MEI4: variants seen among roughly 807,000 people sequenced by gnomAD.
The protein encoded by MEI4 is meiotic double-stranded break formation protein 4.
Under a neutral mutation model 31.4 loss-of-function variants are expected in MEI4, and 27 were observed. The ratio of observed to expected loss-of-function variants is 0.86; its 90% CI spans 0.63 to 1.19. MEI4 has a LOEUF of 1.19. MEI4 is among the 50% of genes most tolerant of loss of function. The pLI, the probability that MEI4 is intolerant of heterozygous loss-of-function variation, is 0.00. For missense variants in MEI4, 329 were observed against 398.9 expected, an observed-to-expected ratio of 0.82 and a Z score of 1.49; for synonymous variants, 122 against 145.4, an observed-to-expected ratio of 0.84 and a Z score of 1.16.
intron 4 of MEI4, among the ~76,000 whole-genome samples, chr6:77,919,966 G>A (rs1258878650): frequency 6.8e-6 from 1 of 147,850 alleles, no homozygotes; most frequent in Non-Finnish European, 1.5e-5. Flanking sequence ...TTGAATCTCT[G>A]AATAGACCAA....
At chr6:77,896,192 T>A (rs1766081125) in intron 4 of MEI4, among the ~76,000 whole-genome samples, 1 of 152,124 alleles carries the variant, frequency 6.6e-6, no homozygotes, top group South Asian at 2.1e-4. Context: ...GCAAGCTCTA[T>A]CTATTATGAA....
chr6:77,868,523 A>ATATATATATATATATATATATATATG (rs1771113885), intron 4 of MEI4, among the ~76,000 whole-genome samples: 20 of 139,990 alleles, frequency 1.4e-4, no homozygotes, highest in Non-Finnish European at 6.2e-5. Flanking sequence ...ATATATATAT[A>ATATATATATATATATATATATATATG]TATATGCAGA....
intron 2 of MEI4, among the ~76,000 whole-genome samples, chr6:77,710,314 G>A (rs187864068): frequency 1.4e-4 from 21 of 152,082 alleles, no homozygotes; most frequent in African/African-American, 5.1e-4. Context: ...ACGAGGTCAA[G>A]AGATCAAGAC....
At chr6:77,654,439 T>C (rs1768351446) in intron 1 of MEI4, among the ~76,000 whole-genome samples, 2 of 151,530 alleles carry the variant, frequency 1.3e-5, no homozygotes, top group Admixed American at 1.3e-4. Context: ...ACATGCACTG[T>C]ATGGTACTGC....
intron 4 of MEI4, among the ~76,000 whole-genome samples, chr6:77,890,472 T>A (rs1009004453): frequency 9.2e-5 from 14 of 152,320 alleles, no homozygotes; most frequent in Middle Eastern, 3.4e-3. Flanking sequence ...TGTACCCCCA[T>A]TGCTTACAGG....
rs1259929575 is a variant in MEI4 at position 77,847,029 on chromosome 6, T to C, written c.900+17967T>C. ...GAAGGATTTTGTGTTGGGGAAATAA[T>C]GTTTAACAACAATGACTGTCATCTT... On this transcript the variant is annotated intron_variant, in intron 4 of 4. Transcript: ENST00000684080. This position sits in a 1 kb window ranked among gnomAD's most constrained non-coding sequence, Gnocchi z 4.6. Among the ~76,000 whole-genome samples the C allele has an allele frequency of 6.6e-6, 1 of 152,208 alleles. No homozygotes were observed. The highest frequency in any genetic ancestry group is 1.5e-5 in the Non-Finnish European group (1 of 68,032).
At chr6:77,736,069 G>T (rs1767199962) in intron 2 of MEI4, among the ~76,000 whole-genome samples, 1 of 152,210 alleles carries the variant, frequency 6.6e-6, no homozygotes, top group South Asian at 2.1e-4. Flanking sequence ...GTCTGCAGAG[G>T]TTACTGCTGT....
At chr6:77,749,133 C>T (rs915291297) in intron 2 of MEI4, among the ~76,000 whole-genome samples, 8 of 152,096 alleles carry the variant, frequency 5.3e-5, no homozygotes, top group African/African-American at 1.9e-4. Context: ...CTTCAAAGAC[C>T]AAAGGTAGAT....
At position 77,736,402 on chromosome 6, in the gene MEI4, T is replaced by TCG. The variant is rs1354987620; in HGVS notation, c.233-24728_233-24727insCG. ...GGTGGGAGTGACCCGATTTTCCAGG[T>TCG]GCCATCTGTCACCCCTTTCTTTGAC... is the stretch of plus-strand genomic sequence containing the variant. On this transcript the variant is annotated intron_variant, in intron 2 of 4. Transcript: ENST00000684080. Among the ~76,000 whole-genome samples, 59 of 152,184 alleles carry TCG rather than the reference T, an allele frequency of 3.9e-4. 1 individual carries two copies. The highest frequency in any genetic ancestry group is 1.4e-3 in the African/African-American group (59 of 41,458).
At chr6:77,896,795 C>G (rs1240431994) in intron 4 of MEI4, among the ~76,000 whole-genome samples, 1 of 152,040 alleles carries the variant, frequency 6.6e-6, no homozygotes, top group African/African-American at 2.4e-5. Flanking sequence ...GTTCTTTACA[C>G]ATCTCTAGAT....
rs1766788335 is a variant in MEI4 at position 77,924,195 on chromosome 6, A to ATGTTACATT, written c.*851_*859dup. On this transcript the variant is annotated 3_prime_UTR_variant, in exon 5 of 5. Coordinates refer to ENST00000684080, the MANE Select transcript of MEI4 (RefSeq NM_001322247.2). ...TCATAACCGCAAACTTAATGAGCAT[A>ATGTTACATT]TGTTACATTTCCTATAGTGCCATTT... 6.6e-6 allele frequency: 1 copy of ATGTTACATT among 151,850 alleles called. No homozygotes were observed. Among genetic ancestry groups the ATGTTACATT allele is most frequent in the Admixed American group, 6.6e-5 (1 of 15,168 alleles). The allele number at this position is 151,850 out of a possible 1,614,324, so 9.4% of individuals were successfully genotyped here.
chr6:77,744,137 G>A (rs1189212231), intron 2 of MEI4, among the ~76,000 whole-genome samples: 2 of 152,212 alleles, frequency 1.3e-5, no homozygotes, highest in Non-Finnish European at 1.5e-5. Context: ...TTGACGAGTT[G>A]AGAGAAGAAG....
At chr6:77,842,278 C>A (rs935725209) in intron 4 of MEI4, among the ~76,000 whole-genome samples, 4 of 152,008 alleles carry the variant, frequency 2.6e-5, no homozygotes, top group African/African-American at 9.7e-5. Context: ...AACCCTTCAA[C>A]AATTTGGAAA....
intron 4 of MEI4, among the ~76,000 whole-genome samples, chr6:77,872,405 T>C (rs1771216081): frequency 6.6e-6 from 1 of 152,034 alleles, no homozygotes; most frequent in Non-Finnish European, 1.5e-5. Flanking sequence ...TGATCATGCC[T>C]GTGTATAGCC....
chr6:77,716,911 C>G, intron 2 of MEI4: 1 of 952,356 alleles, frequency 1.1e-6, no homozygotes, highest in Non-Finnish European at 1.3e-6. Context: ...AGGTCACTTG[C>G]TTACTCACAG....
intron 4 of MEI4, among the ~76,000 whole-genome samples, chr6:77,860,572 G>A (rs1485983550): frequency 1.3e-5 from 2 of 151,968 alleles, no homozygotes; most frequent in Non-Finnish European, 2.9e-5. Flanking sequence ...GTGCCTTTAT[G>A]ACATTTCAAA....
At chr6:77,659,336 T>G (rs944381212) in intron 1 of MEI4, among the ~76,000 whole-genome samples, 1 of 152,060 alleles carries the variant, frequency 6.6e-6, no homozygotes, top group African/African-American at 2.4e-5. Flanking sequence ...GGTAGACACA[T>G]GTAGGTAGAG....
intron 2 of MEI4, among the ~76,000 whole-genome samples, chr6:77,704,085 C>T (rs188160165): frequency 1.3e-5 from 2 of 152,240 alleles, no homozygotes; most frequent in Admixed American, 6.5e-5. Flanking sequence ...AAATACAGAG[C>T]GCAAGTGGAA....
At chr6:77,657,357 A>G (rs1768415651) in intron 1 of MEI4, among the ~76,000 whole-genome samples, 1 of 152,208 alleles carries the variant, frequency 6.6e-6, no homozygotes, top group Non-Finnish European at 1.5e-5. Context: ...AGGTTTTCCA[A>G]CTGGGATCCA....
Sources: gnomAD v4.1 joint callset for allele counts (sites outside exome capture counted in the v4.1 genomes callset) on GRCh38, gnomAD v4.1.1 for gene constraint, Gnocchi (gnomAD v3.1) non-coding constraint, MANE v1.5 for transcripts, NCBI Gene and HGNC (gene_info 2026-07-23, HGNC 2026-07-21) for gene names.